SDCCAG8: variants seen among roughly 807,000 people sequenced by gnomAD.
The protein encoded by SDCCAG8 is serologically defined colon cancer antigen 8.
In SDCCAG8, 74 loss-of-function variants were observed where a neutral mutation model predicts 101.8. The ratio of observed to expected loss-of-function variants is 0.73; its 90% CI spans 0.60 to 0.88. The LOEUF (loss-of-function observed/expected upper bound fraction) is 0.88, where lower values mean the gene tolerates loss of function less well. Ranked by LOEUF, SDCCAG8 falls within the 40% of genes least tolerant of loss-of-function variation. The pLI, the probability that SDCCAG8 is intolerant of heterozygous loss-of-function variation, is 0.00. For missense variants in SDCCAG8, 787 were observed against 822.6 expected, an observed-to-expected ratio of 0.96 and a Z score of 0.53; for synonymous variants, 281 against 292.9, an observed-to-expected ratio of 0.96 and a Z score of 0.41.
intron 16 of SDCCAG8, among the ~76,000 whole-genome samples, chr1:243,447,323 G>A (rs1303573674): frequency 6.8e-6 from 1 of 146,574 alleles, no homozygotes; most frequent in African/African-American, 2.5e-5. Context: ...AAGTCTCATC[G>A]CTAAATGAGG....
At chr1:243,449,496 A>G (rs2083190254) in intron 16 of SDCCAG8, among the ~76,000 whole-genome samples, 1 of 152,216 alleles carries the variant, frequency 6.6e-6, no homozygotes, top group Admixed American at 6.5e-5. Flanking sequence ...AGGCTGGGAA[A>G]CACGTTTCTT....
intron 12 of SDCCAG8, among the ~76,000 whole-genome samples, chr1:243,372,772 A>T (rs1234822866): frequency 6.6e-6 from 1 of 151,574 alleles, no homozygotes; most frequent in East Asian, 1.9e-4. Context: ...AGGTGGGAGG[A>T]TTGCTTGAAC....
intron 3 of SDCCAG8, among the ~76,000 whole-genome samples, chr1:243,273,178 C>A (rs2068235217): frequency 2.0e-5 from 3 of 151,772 alleles, no homozygotes; most frequent in African/African-American, 7.3e-5. Flanking sequence ...TTAAATATAC[C>A]AAAAAACCAA....
chr1:243,298,178 A>G (rs751943647), intron 6 of SDCCAG8, among the ~76,000 whole-genome samples: 1 of 150,752 alleles, frequency 6.6e-6, no homozygotes, highest in African/African-American at 2.4e-5. Context: ...CCTCCCAAGT[A>G]GCTGGGATTA....
intron 12 of SDCCAG8, among the ~76,000 whole-genome samples, chr1:243,345,431 A>T (rs1255333570): frequency 6.6e-6 from 1 of 152,186 alleles, no homozygotes; most frequent in African/African-American, 2.4e-5. Context: ...AATTATTAAC[A>T]TGTACAAATA....
chr1:243,468,000 C>A (rs542124837), intron 16 of SDCCAG8, among the ~76,000 whole-genome samples: 2 of 152,136 alleles, frequency 1.3e-5, no homozygotes, highest in Non-Finnish European at 2.9e-5. Flanking sequence ...AGTAGCTCTA[C>A]GTGAGTTCCA....
At chr1:243,475,165 C>T (rs945556054) in intron 16 of SDCCAG8, among the ~76,000 whole-genome samples, 2 of 152,228 alleles carry the variant, frequency 1.3e-5, no homozygotes, top group African/African-American at 4.8e-5. Context: ...CCTACAGCCC[C>T]TCTCCTGTTG....
intron 4 of SDCCAG8, among the ~76,000 whole-genome samples, chr1:243,283,522 T>C (rs942387099): frequency 5.9e-5 from 9 of 151,574 alleles, no homozygotes; most frequent in Non-Finnish European, 7.4e-5. Flanking sequence ...TTTTTGGAAA[T>C]TCTTATTGAC....
rs1664602677 is a variant in SDCCAG8, at chr1:243,485,520, T to C, written c.1986-3494T>C. ...TGTGTCTAGGACACCCCAAGAAATC[T>C]CTTCTGAATGAATGATGGCAATGAA... On this transcript the variant is annotated intron_variant, in intron 16 of 17. Transcript: ENST00000366541. 2.0e-5 allele frequency among the ~76,000 whole-genome samples: 3 copies of C among 152,274 alleles called. No homozygotes were observed. The South Asian group carries it at 6.2e-4, about 32-fold the overall frequency.
chr1:243,302,406 T>A (rs1573104423), intron 6 of SDCCAG8, among the ~76,000 whole-genome samples: 1 of 152,164 alleles, frequency 6.6e-6, no homozygotes, highest in Non-Finnish European at 1.5e-5. Flanking sequence ...CAGGATTTGA[T>A]GCCGGAAGGG....
At position 243,317,793 on chromosome 1, in the gene SDCCAG8, G is replaced by A. The variant is rs73118339; in HGVS notation, c.1068+900G>A. Among the ~76,000 whole-genome samples, 181 of 152,272 alleles carry A rather than the reference G, an allele frequency of 1.2e-3. 2 individuals are homozygous for A. The highest frequency in any genetic ancestry group is 3.9e-3 in the African/African-American group (164 of 41,560). On this transcript the variant is annotated intron_variant, in intron 9 of 17. Coordinates refer to ENST00000366541, the MANE Select transcript of SDCCAG8 (RefSeq NM_006642.5). ...ACACCGTAATCCGTTAAAGTTGCAT[G>A]TATTTTCCCTAGACACACTAGCATA...
chr1:243,473,519 A>G (rs1376353770), intron 16 of SDCCAG8, among the ~76,000 whole-genome samples: 4 of 152,172 alleles, frequency 2.6e-5, no homozygotes, highest in South Asian at 2.1e-4. Context: ...TATGAGGTTC[A>G]TGCTGGGAAG....
chr1:243,382,177 G>C (rs1052146222), intron 13 of SDCCAG8, among the ~76,000 whole-genome samples: 2 of 152,194 alleles, frequency 1.3e-5, no homozygotes, highest in African/African-American at 4.8e-5. Flanking sequence ...GCCATCTCCG[G>C]AGTTTCGCCC....
intron 12 of SDCCAG8, among the ~76,000 whole-genome samples, chr1:243,349,010 CAAAA>C (rs200574627): frequency 2.4e-5 from 3 of 127,448 alleles, no homozygotes; most frequent in African/African-American, 8.4e-5. Context: ...ACAAACAAAA[CAAAA>C]AAAAAAAAAC....
At chr1:243,462,907 A>G (rs775495507) in intron 16 of SDCCAG8, among the ~76,000 whole-genome samples, 9 of 152,230 alleles carry the variant, frequency 5.9e-5, no homozygotes, top group Non-Finnish European at 1.0e-4. Context: ...CAAAAAAAGT[A>G]TATGACTGCC....
At chr1:243,464,781 G>T (rs1219399931) in intron 16 of SDCCAG8, among the ~76,000 whole-genome samples, 4 of 152,230 alleles carry the variant, frequency 2.6e-5, no homozygotes, top group African/African-American at 7.2e-5. Context: ...CTTGCATAGG[G>T]TGAGTGAGAC....
At chr1:243,492,454 A>AC (rs1158334716) in intron 17 of SDCCAG8, among the ~76,000 whole-genome samples, 2 of 149,490 alleles carry the variant, frequency 1.3e-5, no homozygotes, top group African/African-American at 4.9e-5. Flanking sequence ...GGCACCCACC[A>AC]CCACACCTAG....
At chr1:243,292,449 A>T (rs2070369434) in intron 5 of SDCCAG8, among the ~76,000 whole-genome samples, 1 of 152,160 alleles carries the variant, frequency 6.6e-6, no homozygotes, top group Non-Finnish European at 1.5e-5. Context: ...TCACTCAGGA[A>T]ATTACAGGGT....
chr1:243,389,022 C>T (rs374391019), intron 13 of SDCCAG8, among the ~76,000 whole-genome samples: 9 of 150,656 alleles, frequency 6.0e-5, no homozygotes, highest in African/African-American at 2.0e-4. Flanking sequence ...TGGGAGGCTA[C>T]GTGGTGGTGC....
Sources: gnomAD v4.1 joint callset for allele counts (sites outside exome capture counted in the v4.1 genomes callset) on GRCh38, gnomAD v4.1.1 for gene constraint, MANE v1.5 for transcripts, NCBI Gene and HGNC (gene_info 2026-07-23, HGNC 2026-07-21) for gene names.